Variants in HECW2 observed in about 807,000 individuals in gnomAD.
HECW2 encodes E3 ubiquitin-protein ligase HECW2.
Under a neutral mutation model 175.2 loss-of-function variants are expected in HECW2, and 61 were observed. The observed-to-expected ratio is 0.35, with a 90% CI of 0.28 to 0.43. The LOEUF (loss-of-function observed/expected upper bound fraction) is 0.43. Among genes scored for constraint, HECW2 ranks in the 20% least tolerant of loss-of-function variants. The pLI is 1.00. For missense variants in HECW2, 1,524 were observed against 2,000.5 expected (o/e 0.76, Z 4.54); for synonymous variants, 671 against 731.0 (o/e 0.92, Z 1.32).
intron 1 of HECW2, among the ~76,000 whole-genome samples, chr2:196,582,566 T>C (rs552974038): frequency 4.6e-5 from 7 of 152,340 alleles, no homozygotes; most frequent in Admixed American, 2.0e-4. Context: ...CATCAAAGCA[T>C]ATACAGCTCC....
chr2:196,469,120 C>CGT (rs33984882), intron 1 of HECW2, among the ~76,000 whole-genome samples: 79,717 of 144,582 alleles, frequency 0.55, 23,895 homozygotes, highest in East Asian at 0.73. Context: ...TGTGTGTGTG[C>CGT]GTGTGTGTGT....
chr2:196,299,327 G>GT (rs1193567104), intron 13 of HECW2, among the ~76,000 whole-genome samples: 1 of 55,566 alleles, frequency 1.8e-5, no homozygotes, highest in Non-Finnish European at 5.3e-5. Context: ...AACAAAATAA[G>GT]TTAAAAAAAA....
At chr2:196,512,869 T>C (rs571302052) in intron 1 of HECW2, among the ~76,000 whole-genome samples, 1 of 152,074 alleles carries the variant, frequency 6.6e-6, no homozygotes, top group South Asian at 2.1e-4. Flanking sequence ...TTTTTGTATT[T>C]TTAGTAGAGA....
intron 12 of HECW2, 36 bp from the exon 13 acceptor site, chr2:196,306,648 T>C: frequency 1.3e-6 from 2 of 1,571,434 alleles, no homozygotes; most frequent in Non-Finnish European, 1.7e-6. Flanking sequence ...GTCAGGGAAA[T>C]CTTTCTATGA....
intron 1 of HECW2, chr2:196,592,356 C>T (rs1691229644): frequency 6.6e-6 from 1 of 152,172 alleles, no homozygotes; most frequent in Non-Finnish European, 1.5e-5. Context: ...AGACTTCTAA[C>T]TCTAAAAGAA....
intron 1 of HECW2, among the ~76,000 whole-genome samples, chr2:196,530,988 T>A (rs895237100): frequency 2.9e-4 from 44 of 152,192 alleles, no homozygotes; most frequent in Non-Finnish European, 7.4e-5. Context: ...CTGGCCAACT[T>A]CTACTTCAGT....
At chr2:196,427,077 C>T (rs1695569254) in intron 2 of HECW2, among the ~76,000 whole-genome samples, 1 of 152,032 alleles carries the variant, frequency 6.6e-6, no homozygotes, top group South Asian at 2.1e-4. Flanking sequence ...TATTTGTTAC[C>T]AGTCCATGAC....
Position 196,228,088 on chromosome 2 carries a change from GA to G in HECW2, c.3917+13del. Reference sequence around the variant, plus strand: ...AAATCGCCTGAAGAAAAGTGTTGGGGAAAAAATACTTACCATTCATGGTGAT... The same window carrying G: ...AAATCGCCTGAAGAAAAGTGTTGGGGAAAAATACTTACCATTCATGGTGAT... On this transcript the variant is annotated intron_variant, in intron 22 of 28. Transcript: ENST00000644978. 5 of 1,515,372 alleles carry G rather than the reference GA, an allele frequency of 3.3e-6. No individual in the cohort carries two copies. The highest frequency in any genetic ancestry group is 4.4e-6 in the Non-Finnish European group (5 of 1,129,670). 93.9% of individuals were successfully genotyped at this position (1,515,372 alleles called of 1,614,324 possible).
At chr2:196,278,455 C>A in intron 15 of HECW2, 73 bp downstream of exon 15, 5 of 1,433,428 alleles carry the variant, frequency 3.5e-6, no homozygotes, top group South Asian at 2.8e-5. Flanking sequence ...AAAAATCAGT[C>A]AAATTCCTCA....
intron 19 of HECW2, among the ~76,000 whole-genome samples, chr2:196,249,681 C>A (rs1017730389): frequency 6.6e-6 from 1 of 152,156 alleles, no homozygotes; most frequent in African/African-American, 2.4e-5. Context: ...TTCAAAGGAA[C>A]AGAAGATTCC....
chr2:196,569,682 T>A (rs1295460121), intron 1 of HECW2, among the ~76,000 whole-genome samples: 1 of 152,230 alleles, frequency 6.6e-6, no homozygotes, highest in Non-Finnish European at 1.5e-5. Context: ...GTAATTATCA[T>A]ACTCAAAGAT....
At chr2:196,266,585 A>C (rs1325318879) in intron 17 of HECW2, among the ~76,000 whole-genome samples, 2 of 152,124 alleles carry the variant, frequency 1.3e-5, no homozygotes, top group Non-Finnish European at 2.9e-5. Flanking sequence ...ATCAGAAGTA[A>C]ATTCATGCTA....
chr2:196,307,931 T>C lies in HECW2; in HGVS notation c.2585+4A>G. 1 of 1,525,842 alleles carries C rather than the reference T, an allele frequency of 6.6e-7. No homozygotes were observed. Among genetic ancestry groups the C allele is most frequent in the South Asian group, 1.3e-5 (1 of 79,290 alleles). 94.5% of individuals were successfully genotyped at this position (1,525,842 alleles called of 1,614,324 possible). A position where few individuals can be genotyped will look rare whatever the true frequency, so the allele number is the denominator to read the frequency against. ...AACAGTCACAGCAAAATGTTCATCC[T>C]CACCGCCGGTTCAGCTGCTCCATTT... On this transcript the variant is annotated splice_donor_region_variant and intron_variant, in intron 11 of 28. Coordinates refer to ENST00000644978, the MANE Select transcript of HECW2 (RefSeq NM_001348768.2).
intron 1 of HECW2, among the ~76,000 whole-genome samples, chr2:196,511,829 G>A (rs1020088830): frequency 3.5e-4 from 53 of 152,178 alleles, no homozygotes; most frequent in African/African-American, 1.1e-3. Flanking sequence ...TAAGGGCACA[G>A]GAGGATGGGA....
At chr2:196,491,501 T>TATAC (rs1171351964) in intron 1 of HECW2, among the ~76,000 whole-genome samples, 24 of 125,976 alleles carry the variant, frequency 1.9e-4, no homozygotes, top group African/African-American at 6.8e-4. Flanking sequence ...TATATATATA[T>TATAC]ACACACACAC....
chr2:196,386,691 T>C (rs187775254), intron 2 of HECW2, among the ~76,000 whole-genome samples: 38 of 152,330 alleles, frequency 2.5e-4, no homozygotes, highest in African/African-American at 9.1e-4. Context: ...AGGCAATGAT[T>C]TTTGAATGTG....
chr2:196,563,061 A>G (rs1243555431), intron 1 of HECW2, among the ~76,000 whole-genome samples: 1 of 152,114 alleles, frequency 6.6e-6, no homozygotes, highest in Non-Finnish European at 1.5e-5. Context: ...ACTAGCTTTG[A>G]GAAACACACC....
intron 1 of HECW2, among the ~76,000 whole-genome samples, chr2:196,460,825 A>G (rs900641235): frequency 2.3e-5 from 3 of 127,732 alleles, no homozygotes; most frequent in Non-Finnish European, 4.7e-5. Flanking sequence ...GGCTCTCACT[A>G]TGTTGCCCAG....
chr2:196,482,205 T>C (rs959604685), intron 1 of HECW2, among the ~76,000 whole-genome samples: 3 of 152,218 alleles, frequency 2.0e-5, no homozygotes, highest in African/African-American at 7.2e-5. Context: ...TGGACCCTCA[T>C]AGGCATGCAA....
Sources: gnomAD v4.1 joint callset for allele counts (sites outside exome capture counted in the v4.1 genomes callset) on GRCh38, gnomAD v4.1.1 for gene constraint, MANE v1.5 for transcripts, NCBI Gene and HGNC (gene_info 2026-07-23, HGNC 2026-07-21) for gene names.